STX16: variants seen among roughly 807,000 people sequenced by gnomAD.
STX16 encodes the protein syntaxin 16.
In STX16, 28 loss-of-function variants were observed where a neutral mutation model predicts 42.7. The observed-to-expected ratio is 0.66, with a 90% CI of 0.49 to 0.90. STX16 has a LOEUF of 0.90. Among genes scored for constraint, STX16 ranks in the 40% least tolerant of loss-of-function variants. STX16 has a pLI of 0.00. For missense variants in STX16, 361 were observed against 420.9 expected (o/e 0.86, Z 1.24); for synonymous variants, 156 against 155.2 (o/e 1.00, Z -0.04).
chr20:58,668,927 C>T (rs1374628663), intron 4 of STX16, among the ~76,000 whole-genome samples: 1 of 152,140 alleles, frequency 6.6e-6, no homozygotes, highest in African/African-American at 2.4e-5. Flanking sequence ...TTTTGGATTT[C>T]GAATTTTCAG....
In STX16 at chr20:58,671,315, C is replaced by A; in HGVS notation, c.792+18C>A. On this transcript the variant is annotated intron_variant, in intron 7 of 8. Transcript: ENST00000371141. Reference sequence around the variant, plus strand: ...TAGAACAGGTACGTGAGCTGGCCTTCCTCGTGAATAGGTTTTCCTGCCATA... The same window carrying A: ...TAGAACAGGTACGTGAGCTGGCCTTACTCGTGAATAGGTTTTCCTGCCATA... 6.3e-7 allele frequency: 1 copy of A among 1,590,798 alleles called. No individual in the cohort carries two copies. Among genetic ancestry groups the A allele is most frequent in the Non-Finnish European group, 8.6e-7 (1 of 1,165,120 alleles).
intron 8 of STX16, among the ~76,000 whole-genome samples, chr20:58,674,197 TG>T (rs2084048658): frequency 6.6e-6 from 1 of 152,314 alleles, no homozygotes; most frequent in South Asian, 2.1e-4. Flanking sequence ...ACAGCATATC[TG>T]TATTACCTTG....
intron 2 of STX16, among the ~76,000 whole-genome samples, chr20:58,661,454 TCTC>T (rs2083697058): frequency 6.6e-6 from 1 of 152,260 alleles, no homozygotes; most frequent in African/African-American, 2.4e-5. Context: ...GAGAGCACTA[TCTC>T]CTCCACGCTC....
chr20:58,671,089 A>G, intron 6 of STX16, 65 bp from the exon 7 acceptor site: 1 of 1,425,026 alleles, frequency 7.0e-7, no homozygotes, highest in Non-Finnish European at 9.5e-7. Context: ...TATCTAAACA[A>G]GTATACCATA....
rs191208474 is a variant in STX16, at chr20:58,673,362, A to G, written c.793-269A>G. ...CAGGAAGTCCGAATATGGCATTTCT[A>G]TGGCAGCTGAAACCAATAAGGAAAC... On this transcript the variant is annotated intron_variant, in intron 7 of 8. Transcript: ENST00000371141. 3.2e-4 allele frequency among the ~76,000 whole-genome samples: 49 copies of G among 152,246 alleles called. No individual in the cohort carries two copies. In the East Asian group the frequency reaches 8.7e-3, roughly 27 times the overall value.
rs973452658 is a variant in STX16, at chr20:58,677,525, T to C, written c.*1234T>C. ...TGGTGCTTGAATATATTCCTATAAC[T>C]GTAGAACAGTGTGGAAAGTGATGGT... is the stretch of plus-strand genomic sequence containing the variant. On this transcript the variant is annotated 3_prime_UTR_variant, in exon 9 of 9. Transcript: ENST00000371141. 1.3e-5 allele frequency: 2 copies of C among 152,232 alleles called. No individual in the cohort carries two copies. The highest frequency in any genetic ancestry group is 4.8e-5 in the African/African-American group (2 of 41,466). The allele number at this position is 152,232 out of a possible 1,614,324, so 9.4% of individuals were successfully genotyped here.
intron 1 of STX16, among the ~76,000 whole-genome samples, chr20:58,653,830 C>T (rs2083527751): frequency 6.6e-6 from 1 of 151,162 alleles, no homozygotes; most frequent in Non-Finnish European, 1.5e-5. Context: ...GTTCAAAATA[C>T]CCTGAACCTT....
intron 4 of STX16, 38 bp downstream of exon 4, chr20:58,668,165 C>A (rs2083882073): frequency 1.9e-6 from 3 of 1,610,370 alleles, no homozygotes; most frequent in African/African-American, 1.3e-5. Flanking sequence ...AACCAGCGAG[C>A]CTTCTCATGG....
At chr20:58,668,984 C>T (rs1284068025) in intron 4 of STX16, among the ~76,000 whole-genome samples, 1 of 152,122 alleles carries the variant, frequency 6.6e-6, no homozygotes. Flanking sequence ...TCCAAAATCT[C>T]CCGAAATTTG....
chr20:58,660,713 CTTTTTTT>C lies in STX16; in HGVS notation c.144+1099_144+1105del, dbSNP rs10706096. 3.1e-4 allele frequency among the ~76,000 whole-genome samples: 22 copies of C among 70,740 alleles called. 1 individual carries two copies. Among genetic ancestry groups the C allele is most frequent in the African/African-American group, 9.9e-4 (17 of 17,210 alleles). The allele number at this position is 70,740 out of a possible 152,430, so 46.4% of individuals were successfully genotyped here. A position where few individuals can be genotyped will look rare whatever the true frequency, so the allele number is the denominator to read the frequency against. ...AGCATGGATAATATGATTCCTGCTC[CTTTTTTT>C]TTTTTTTTTTTTTTTTTTTCAGGAA... is the stretch of plus-strand genomic sequence containing the variant. On this transcript the variant is annotated intron_variant, in intron 2 of 8. Transcript: ENST00000371141.
chr20:58,678,829 C>T lies in STX16; in HGVS notation c.*2538C>T, dbSNP rs891652015. On this transcript the variant is annotated 3_prime_UTR_variant, in exon 9 of 9. Transcript: ENST00000371141. ...GAAGTAAGAGAAAAGAATCATGGTACCTCAGGGTTTCTTTCCCTTTACTCG... is the reference window on the plus strand; with the variant it reads ...GAAGTAAGAGAAAAGAATCATGGTATCTCAGGGTTTCTTTCCCTTTACTCG... 6.6e-6 allele frequency: 1 copy of T among 152,152 alleles called. No homozygotes were observed. Among genetic ancestry groups the T allele is most frequent in the Non-Finnish European group, 1.5e-5 (1 of 68,090 alleles). 9.4% of individuals were successfully genotyped at this position (152,152 alleles called of 1,614,324 possible).
chr20:58,655,624 T>A (rs2083569016), intron 1 of STX16, among the ~76,000 whole-genome samples: 1 of 152,140 alleles, frequency 6.6e-6, no homozygotes, highest in African/African-American at 2.4e-5. Context: ...GCTCCATGAT[T>A]TTTACCACTA....
chr20:58,660,795 T>C (rs1296448401), intron 2 of STX16, among the ~76,000 whole-genome samples: 1 of 133,780 alleles, frequency 7.5e-6, no homozygotes, highest in African/African-American at 2.8e-5. Flanking sequence ...CCTGAAAAGA[T>C]ACACAAGAAA....
In STX16 at chr20:58,676,413, C is replaced by T. The variant is rs1007568000; in HGVS notation, c.*122C>T. The T allele has an allele frequency of 2.8e-5, 23 of 819,728 alleles. No individual in the cohort carries two copies. Among genetic ancestry groups the T allele is most frequent in the East Asian group, 5.0e-5 (2 of 40,024 alleles). The allele number at this position is 819,728 out of a possible 1,614,324, so 50.8% of individuals were successfully genotyped here. On this transcript the variant is annotated 3_prime_UTR_variant, in exon 9 of 9. Transcript: ENST00000371141. ...GAGGAATCTGAGGGCGTCGGGGCAG[C>T]GAACCTTTGCATCCACGGACTCCTC...
chr20:58,659,539 C>G (rs1297595268), intron 1 of STX16, 84 bp from the exon 2 acceptor site: 5 of 1,427,186 alleles, frequency 3.5e-6, no homozygotes, highest in African/African-American at 1.4e-5. Flanking sequence ...ACTGACCATG[C>G]CTTGTCTGTC....
Position 58,667,690 on chromosome 20 carries a change from C to T in STX16, c.252+93C>T, listed in dbSNP as rs149945005. On this transcript the variant is annotated intron_variant, in intron 3 of 8. Transcript: ENST00000371141. ...TCTGTCATATAAACGAATTTGGCTA[C>T]ACTTGAATGTATATTTCTAGAAATA... 4,752 of 1,116,748 alleles carry T rather than the reference C, an allele frequency of 4.3e-3. 22 individuals carry two copies. Among genetic ancestry groups the T allele is most frequent in the Non-Finnish European group, 5.5e-3 (4,136 of 747,088 alleles). The allele number at this position is 1,116,748 out of a possible 1,614,324, so 69.2% of individuals were successfully genotyped here.
chr20:58,670,671 G>A, intron 6 of STX16, 68 bp downstream of exon 6: 1 of 1,297,764 alleles, frequency 7.7e-7, no homozygotes, highest in Non-Finnish European at 1.1e-6. Flanking sequence ...TCACCTCCTA[G>A]ACCTCGATCT....
chr20:58,668,582 AAGTCTCCTGG>A (rs2083896189), intron 4 of STX16, among the ~76,000 whole-genome samples: 1 of 151,940 alleles, frequency 6.6e-6, no homozygotes, highest in Non-Finnish European at 1.5e-5. Context: ...TTTTTTACTG[AAGTCTCCTGG>A]GTGCTAATTA....
intron 6 of STX16, 116 bp downstream of exon 6, chr20:58,670,719 A>G: frequency 1.2e-6 from 1 of 840,558 alleles, no homozygotes; most frequent in Admixed American, 2.2e-5. Context: ...GTTGACTTGT[A>G]TATTCATCAG....
Sources: gnomAD v4.1 joint callset for allele counts (sites outside exome capture counted in the v4.1 genomes callset) on GRCh38, gnomAD v4.1.1 for gene constraint, MANE v1.5 for transcripts, NCBI Gene and HGNC (gene_info 2026-07-23, HGNC 2026-07-21) for gene names.